GREB1L: variants seen among roughly 807,000 people sequenced by gnomAD.
GREB1L encodes GREB1-like protein.
In GREB1L, 17 loss-of-function variants were observed where a neutral mutation model predicts 200.8. The ratio of observed to expected loss-of-function variants is 0.08; its 90% CI spans 0.06 to 0.13. The LOEUF is 0.13. GREB1L is among the 10% of genes least tolerant of loss of function. GREB1L has a pLI of 1.00. For missense variants in GREB1L, 1,657 were observed against 2,367.7 expected (o/e 0.70, Z 6.23); for synonymous variants, 789 against 893.0 (o/e 0.88, Z 2.08).
chr18:21,306,141 G>T (rs756419438), intron 1 of GREB1L, among the ~76,000 whole-genome samples: 7 of 152,154 alleles, frequency 4.6e-5, no homozygotes, highest in Non-Finnish European at 8.8e-5. Flanking sequence ...CCATGAGGGT[G>T]GGGACCTTGT....
At chr18:21,463,009 A>G (rs1312488418) in intron 15 of GREB1L, among the ~76,000 whole-genome samples, 1 of 152,148 alleles carries the variant, frequency 6.6e-6, no homozygotes, top group Non-Finnish European at 1.5e-5. Context: ...TCCTATGGGG[A>G]AAAAGATTGG....
chr18:21,481,811 G>A (rs1249454892), intron 17 of GREB1L, among the ~76,000 whole-genome samples: 1 of 152,126 alleles, frequency 6.6e-6, no homozygotes, highest in African/African-American at 2.4e-5. Context: ...TTCATGAATC[G>A]TAAATCATTC....
At chr18:21,258,506 C>A (rs763309903) in intron 1 of GREB1L, among the ~76,000 whole-genome samples, 1 of 152,108 alleles carries the variant, frequency 6.6e-6, no homozygotes, top group South Asian at 2.1e-4. Flanking sequence ...GCCAAACTTC[C>A]TTCTGATCTA....
chr18:21,288,058 C>G (rs531221261), intron 1 of GREB1L, among the ~76,000 whole-genome samples: 1 of 152,092 alleles, frequency 6.6e-6, no homozygotes, highest in East Asian at 1.9e-4. Context: ...CCACCTTAGC[C>G]TCCCATAGTG....
At chr18:21,392,007 G>A (rs1218223108) in intron 4 of GREB1L, among the ~76,000 whole-genome samples, 1 of 152,008 alleles carries the variant, frequency 6.6e-6, no homozygotes, top group Non-Finnish European at 1.5e-5. Flanking sequence ...ACAAGATTTC[G>A]CCATGTTGGC....
At chr18:21,444,519 T>G (rs2034098244) in intron 11 of GREB1L, 110 bp downstream of exon 11, 2 of 879,174 alleles carry the variant, frequency 2.3e-6, no homozygotes, top group South Asian at 3.6e-5. Context: ...TTTCCCTCTT[T>G]CGCTTCTAAT....
rs753311521 is a variant in GREB1L at position 21,384,214 on chromosome 18, C to A, written c.166C>A (p.Pro56Thr). 32 of 1,548,724 alleles carry A rather than the reference C, an allele frequency of 2.1e-5. No homozygotes were observed. The highest frequency in any genetic ancestry group is 2.6e-5 in the Non-Finnish European group (30 of 1,144,744). Residue 56 changes from proline to threonine, a missense_variant, in exon 4 of 33, where the codon CCC becomes ACC. Coordinates refer to ENST00000424526, the MANE Select transcript of GREB1L (RefSeq NM_001142966.3). ...QHPFSSADVK[P>T]KVEDLDKDLV... ...TTTATTTGCTTACCCAGATGTCAAA[C>A]CCAAGGTGGAGGATCTGGACAAAGA...
At chr18:21,373,191 G>T (rs562122381) in intron 2 of GREB1L, among the ~76,000 whole-genome samples, 1 of 152,012 alleles carries the variant, frequency 6.6e-6, no homozygotes, top group African/African-American at 2.4e-5. Flanking sequence ...TCAACCAGTG[G>T]GTTCAGGAGG....
chr18:21,494,649 C>T (rs992393118), intron 19 of GREB1L, among the ~76,000 whole-genome samples: 28 of 151,924 alleles, frequency 1.8e-4, no homozygotes, highest in Admixed American at 1.4e-3. Flanking sequence ...TATTACTTAA[C>T]ACCTTGCTTC....
At chr18:21,365,116 T>A (rs1209877661) in intron 1 of GREB1L, among the ~76,000 whole-genome samples, 1 of 151,984 alleles carries the variant, frequency 6.6e-6, no homozygotes. Context: ...AAATCTAAAA[T>A]TTTTTTTCTT....
In GREB1L at chr18:21,516,749, A is replaced by T. The variant is rs191400472; in HGVS notation, c.5266A>T (p.Ile1756Phe). Reference protein sequence around the residue: ...GQRDFIIKPKIMVSESLAPIL... With the variant: ...GQRDFIIKPKFMVSESLAPIL... ...AAGGGACTTTATCATTAAACCAAAG[A>T]TCATGGTGAGTACCGCAAGCTTGAT... Residue 1756 changes from isoleucine to phenylalanine, a missense_variant, in exon 30 of 33, where the codon ATC becomes TTC. Around this residue, in one of 9 missense-constraint regions of GREB1L, gnomAD observed 190 missense variants for 230.2 expected, o/e 0.83. Transcript: ENST00000424526. 7 of 1,551,506 alleles carry T rather than the reference A, an allele frequency of 4.5e-6. No homozygotes were observed. Among genetic ancestry groups the T allele is most frequent in the Non-Finnish European group, 5.2e-6 (6 of 1,146,870 alleles).
intron 1 of GREB1L, among the ~76,000 whole-genome samples, chr18:21,255,415 C>T (rs934591719): frequency 2.6e-5 from 4 of 152,166 alleles, no homozygotes; most frequent in Admixed American, 1.3e-4. Flanking sequence ...CGGAACATTT[C>T]CATAATCACA....
chr18:21,449,446 T>C, intron 11 of GREB1L, 64 bp from the exon 12 acceptor site: 1 of 949,602 alleles, frequency 1.1e-6, no homozygotes, highest in South Asian at 1.7e-5. Flanking sequence ...GGAAAGCATA[T>C]GGGTGTGTGT....
chr18:21,265,515 T>C (rs778964085), intron 1 of GREB1L, among the ~76,000 whole-genome samples: 15 of 152,276 alleles, frequency 9.9e-5, no homozygotes, highest in Non-Finnish European at 1.6e-4. Context: ...TTTTACAGGA[T>C]GATTTGTCTT....
intron 2 of GREB1L, among the ~76,000 whole-genome samples, chr18:21,372,759 T>C (rs1232035492): frequency 1.3e-5 from 2 of 152,040 alleles, no homozygotes; most frequent in Admixed American, 6.5e-5. Context: ...CCATCTCTAC[T>C]AAAAATACAA....
At chr18:21,377,713 A>T (rs571622584) in intron 2 of GREB1L, among the ~76,000 whole-genome samples, 10 of 152,162 alleles carry the variant, frequency 6.6e-5, no homozygotes, top group South Asian at 4.2e-4. Flanking sequence ...AAATTTTTTT[A>T]AAAAATAGTT....
At chr18:21,453,652 C>T (rs1024823526) in intron 14 of GREB1L, among the ~76,000 whole-genome samples, 1 of 152,142 alleles carries the variant, frequency 6.6e-6, no homozygotes, top group Non-Finnish European at 1.5e-5. Flanking sequence ...TGTAATATGT[C>T]ACCTGCTGAG....
chr18:21,428,365 T>C (rs1680537976), intron 7 of GREB1L, among the ~76,000 whole-genome samples: 1 of 135,676 alleles, frequency 7.4e-6, no homozygotes. Context: ...TTTTGTCCTC[T>C]TGTGTTGAAA....
At chr18:21,454,252 G>A (rs368486694) in intron 14 of GREB1L, 114 bp from the exon 15 acceptor site, 35 of 688,090 alleles carry the variant, frequency 5.1e-5, no homozygotes, top group South Asian at 9.5e-5. Context: ...GTGAGAATTC[G>A]TAGTGAGAGT....
Sources: gnomAD v4.1 joint callset for allele counts (sites outside exome capture counted in the v4.1 genomes callset) on GRCh38, gnomAD v4.1.1 for gene constraint, gnomAD v4.1.1 regional missense constraint, MANE v1.5 for transcripts, NCBI Gene and HGNC (gene_info 2026-07-23, HGNC 2026-07-21) for gene names.